DPH6: variants seen among roughly 807,000 people sequenced by gnomAD.
The protein encoded by DPH6 is diphthine--ammonia ligase.
Under a neutral mutation model 38.2 loss-of-function variants are expected in DPH6, and 33 were observed. The observed-to-expected ratio is 0.86, with a 90% CI of 0.65 to 1.15. The LOEUF is 1.15. Ranked by LOEUF, DPH6 falls within the 50% of genes most tolerant of loss-of-function variation. The pLI is 0.00. For synonymous variants in DPH6, 108 were observed against 103.0 expected, an observed-to-expected ratio of 1.05 and a Z score of -0.30; for missense variants, 325 against 320.0, an observed-to-expected ratio of 1.02 and a Z score of -0.12.
At chr15:35,193,095 A>T in the DPH6 span, among the ~76,000 whole-genome samples, 1 of 152,222 alleles carries the variant, frequency 6.6e-6, no homozygotes. Flanking sequence ...TTTCCATCTC[A>T]AAATTAATAT....
intron 3 of DPH6, among the ~76,000 whole-genome samples, chr15:35,334,930 G>T (rs1395386375): frequency 6.6e-6 from 1 of 152,110 alleles, no homozygotes; most frequent in Admixed American, 6.6e-5. Context: ...TAATGGTATT[G>T]CTGGGTCAAA....
intron 3 of DPH6, among the ~76,000 whole-genome samples, chr15:35,262,072 G>C (rs188791625): frequency 4.6e-5 from 7 of 152,148 alleles, no homozygotes; most frequent in African/African-American, 1.7e-4. Flanking sequence ...TTACTACTTC[G>C]GGAGTTCTGT....
chr15:35,513,706 G>T (rs182823709), intron 3 of DPH6, among the ~76,000 whole-genome samples: 63 of 151,968 alleles, frequency 4.1e-4, no homozygotes, highest in Non-Finnish European at 7.8e-4. Context: ...AAACTTTATA[G>T]ATCCTAACTT....
intron 6 of DPH6, among the ~76,000 whole-genome samples, chr15:35,388,166 C>G (rs966881828): frequency 6.6e-6 from 1 of 152,154 alleles, no homozygotes; most frequent in Non-Finnish European, 1.5e-5. Context: ...ATATGTTGAA[C>G]CAGCCTTGCA....
intron 3 of DPH6, among the ~76,000 whole-genome samples, chr15:35,261,416 G>T (rs1000585400): frequency 3.9e-5 from 6 of 152,090 alleles, no homozygotes; most frequent in African/African-American, 1.4e-4. Context: ...TTTAGTTCAG[G>T]TTGAATTTAA....
At chr15:35,450,612 TTTAACTAC>T (rs1169485031) in intron 5 of DPH6, 65 bp downstream of exon 5, 2 of 1,220,284 alleles carry the variant, frequency 1.6e-6, no homozygotes, top group Admixed American at 4.0e-5. Flanking sequence ...CTTTGTTCAT[TTTAACTAC>T]TTATTAGTGA....
intron 3 of DPH6, among the ~76,000 whole-genome samples, chr15:35,531,791 A>AT (rs975158852): frequency 2.0e-5 from 3 of 152,040 alleles, no homozygotes; most frequent in South Asian, 2.1e-4. Context: ...AATTTGATAC[A>AT]TTTTTTTACT....
downstream of DPH6, among the ~76,000 whole-genome samples, chr15:35,215,843 A>G (rs958345481): frequency 1.3e-5 from 2 of 152,340 alleles, no homozygotes; most frequent in African/African-American, 4.8e-5. Flanking sequence ...CAAGTAAATC[A>G]CTCAAGGTTT....
the DPH6 span, among the ~76,000 whole-genome samples, chr15:35,175,046 C>T: frequency 1.3e-5 from 2 of 152,098 alleles, no homozygotes; most frequent in Admixed American, 6.6e-5. Context: ...TTGGCTGTTT[C>T]GTTTTTGTAG....
At chr15:35,166,814 A>G in the DPH6 span, among the ~76,000 whole-genome samples, 215 of 152,104 alleles carry the variant, frequency 1.4e-3, 1 homozygote, top group African/African-American at 4.8e-3. Context: ...CCTGCTACTG[A>G]GATGAGGCAT....
chr15:35,237,451 A>G (rs2051561345), intron 3 of DPH6: 9 of 1,602,416 alleles, frequency 5.6e-6, no homozygotes, highest in South Asian at 3.3e-5. Context: ...ATGAATCTGA[A>G]TAACTGGAAT....
chr15:35,295,262 T>G (rs1417070184), intron 3 of DPH6, among the ~76,000 whole-genome samples: 1 of 152,172 alleles, frequency 6.6e-6, no homozygotes, highest in Non-Finnish European at 1.5e-5. Flanking sequence ...CCAAAGCCTT[T>G]CCTTGGACCC....
the DPH6 span, among the ~76,000 whole-genome samples, chr15:35,209,028 T>C: frequency 6.6e-6 from 1 of 152,308 alleles, no homozygotes; most frequent in African/African-American, 2.4e-5. Context: ...AGAGCAGTCC[T>C]GAAATTTCTT....
At chr15:35,329,803 T>A (rs1332520998), downstream of DPH6, among the ~76,000 whole-genome samples, 1 of 152,144 alleles carries the variant, frequency 6.6e-6, no homozygotes, top group Non-Finnish European at 1.5e-5. Flanking sequence ...CTACCCAGGA[T>A]CAAAAACTGA....
At chr15:35,361,762 A>G (rs2052616524) in intron 3 of DPH6, among the ~76,000 whole-genome samples, 1 of 151,416 alleles carries the variant, frequency 6.6e-6, no homozygotes, top group South Asian at 2.1e-4. Flanking sequence ...CTTTGGTTCC[A>G]GATTTTCTAT....
chr15:35,445,395 CAAAA>C (rs11331685), intron 5 of DPH6, among the ~76,000 whole-genome samples: 6 of 125,504 alleles, frequency 4.8e-5, no homozygotes, highest in Non-Finnish European at 5.1e-5. Context: ...TCATCATCAT[CAAAA>C]AAAAAAAAAA....
chr15:35,166,669 G>A, the DPH6 span, among the ~76,000 whole-genome samples: 1 of 151,942 alleles, frequency 6.6e-6, no homozygotes, highest in Non-Finnish European at 1.5e-5. Context: ...TAGTAAGAAT[G>A]CAAAATAAAC....
At chr15:35,491,661 A>C (rs1181445207) in intron 3 of DPH6, among the ~76,000 whole-genome samples, 1 of 151,748 alleles carries the variant, frequency 6.6e-6, no homozygotes, top group Non-Finnish European at 1.5e-5. Flanking sequence ...AGAACTATAG[A>C]TCTAAAAAGA....
rs1302529112 is a variant in DPH6, at chr15:35,401,773, T to G, written c.567+9062A>C. 3 of 660,044 alleles carry G rather than the reference T, an allele frequency of 4.5e-6. No homozygotes were observed. In the East Asian group the frequency reaches 9.0e-5, roughly 20 times the overall value. The allele number at this position is 660,044 out of a possible 1,614,324, so 40.9% of individuals were successfully genotyped here. On this transcript the variant is annotated intron_variant, in intron 6 of 8. Coordinates refer to ENST00000256538, the MANE Select transcript of DPH6 (RefSeq NM_080650.4). ...GACAGTGGCAGAAGATTTTAATTAC[T>G]GCCAGGAAACAAAGCTTAACAGGAG... is the stretch of plus-strand genomic sequence containing the variant.
Sources: gnomAD v4.1 joint callset for allele counts (sites outside exome capture counted in the v4.1 genomes callset) on GRCh38, gnomAD v4.1.1 for gene constraint, MANE v1.5 for transcripts, NCBI Gene and HGNC (gene_info 2026-07-23, HGNC 2026-07-21) for gene names.